The following RXFP1 variants were observed in gnomAD, a reference collection of about 807,000 sequenced individuals.
The protein encoded by RXFP1 is relaxin receptor 1.
In RXFP1, 73 loss-of-function variants were observed where a neutral mutation model predicts 89.8. The observed-to-expected ratio is 0.81, with a 90% CI of 0.67 to 0.99. RXFP1 has a LOEUF of 0.99. RXFP1 is among the 50% of genes least tolerant of loss of function. The pLI is 0.00. For missense variants in RXFP1, 793 were observed against 895.5 expected (o/e 0.89, Z 1.46); for synonymous variants, 277 against 305.5 (o/e 0.91, Z 0.97).
At chr4:158,541,354 A>G (rs1746579637) in intron 1 of RXFP1, among the ~76,000 whole-genome samples, 1 of 150,568 alleles carries the variant, frequency 6.6e-6, no homozygotes, top group African/African-American at 2.5e-5. Flanking sequence ...CTTCATGCAC[A>G]CACACACACA....
chr4:158,643,189 C>A (rs1048833141), intron 14 of RXFP1, among the ~76,000 whole-genome samples: 3 of 152,142 alleles, frequency 2.0e-5, no homozygotes. Context: ...ATTGGCACAG[C>A]TGCCAGCATT....
At chr4:158,629,444 CT>C (rs897162548) in intron 11 of RXFP1, among the ~76,000 whole-genome samples, 2 of 152,032 alleles carry the variant, frequency 1.3e-5, no homozygotes, top group South Asian at 2.1e-4. Context: ...TATAATGCCC[CT>C]TTTTAATGCC....
intron 4 of RXFP1, among the ~76,000 whole-genome samples, chr4:158,604,422 T>C (rs1217686466): frequency 2.0e-5 from 3 of 152,174 alleles, no homozygotes; most frequent in African/African-American, 4.8e-5. Context: ...TTATTTTGCT[T>C]TTACTACATT....
intron 2 of RXFP1, among the ~76,000 whole-genome samples, chr4:158,573,426 G>T (rs1755562240): frequency 6.6e-6 from 1 of 152,124 alleles, no homozygotes; most frequent in African/African-American, 2.4e-5. Context: ...GGCTGCATGC[G>T]GCCCGGGATG....
At chr4:158,628,580 T>G in intron 10 of RXFP1, 58 bp from the exon 11 acceptor site, 1 of 784,562 alleles carries the variant, frequency 1.3e-6, no homozygotes, top group Non-Finnish European at 2.2e-6. Flanking sequence ...TTCCTCTCTT[T>G]AGTAATTCTT....
chr4:158,534,210 C>T (rs1041550569), intron 1 of RXFP1, among the ~76,000 whole-genome samples: 30 of 151,350 alleles, frequency 2.0e-4, no homozygotes, highest in African/African-American at 7.0e-4. Context: ...TACTTAGATA[C>T]ACAAAGTGTT....
chr4:158,571,685 T>C (rs963257672), intron 1 of RXFP1, among the ~76,000 whole-genome samples: 3 of 151,700 alleles, frequency 2.0e-5, no homozygotes, highest in South Asian at 2.1e-4. Flanking sequence ...GAAAAAAAAA[T>C]AAGAAATGGT....
At chr4:158,575,349 T>C (rs1350748459) in intron 2 of RXFP1, among the ~76,000 whole-genome samples, 3 of 152,170 alleles carry the variant, frequency 2.0e-5, no homozygotes, top group Non-Finnish European at 4.4e-5. Flanking sequence ...TTTTCTTTTC[T>C]ATAAAACAGG....
chr4:158,597,978 G>A (rs1363681129), intron 3 of RXFP1, among the ~76,000 whole-genome samples: 1 of 152,158 alleles, frequency 6.6e-6, no homozygotes, highest in African/African-American at 2.4e-5. Flanking sequence ...TCTAGGTTAT[G>A]GTCCTGATCT....
intron 2 of RXFP1, among the ~76,000 whole-genome samples, chr4:158,587,470 A>C (rs1220208544): frequency 1.3e-5 from 2 of 152,178 alleles, no homozygotes; most frequent in Non-Finnish European, 2.9e-5. Context: ...ATTTAAATAA[A>C]CTTTTTTATA....
chr4:158,603,905 A>G (rs1435603448), intron 4 of RXFP1, among the ~76,000 whole-genome samples: 3 of 146,018 alleles, frequency 2.1e-5, no homozygotes, highest in African/African-American at 7.7e-5. Context: ...TAATAATAAT[A>G]ATAATAATAA....
chr4:158,610,664 T>C (rs1430830343), intron 6 of RXFP1: 1 of 1,289,146 alleles, frequency 7.8e-7, no homozygotes, highest in East Asian at 5.6e-5. Flanking sequence ...CTCTGAAAAA[T>C]GAAGAGGACT....
chr4:158,564,524 C>G (rs1332750379), intron 1 of RXFP1, among the ~76,000 whole-genome samples: 1 of 152,170 alleles, frequency 6.6e-6, no homozygotes, highest in African/African-American at 2.4e-5. Flanking sequence ...CAGAGAGACT[C>G]CATGACAACT....
At chr4:158,644,196 G>A (rs1407887140) in intron 14 of RXFP1, among the ~76,000 whole-genome samples, 3 of 151,660 alleles carry the variant, frequency 2.0e-5, no homozygotes, top group African/African-American at 7.3e-5. Context: ...ACAGGAGCCC[G>A]CCACCACGCC....
At chr4:158,606,522 T>C (rs1485018616) in intron 5 of RXFP1, among the ~76,000 whole-genome samples, 1 of 152,166 alleles carries the variant, frequency 6.6e-6, no homozygotes, top group East Asian at 1.9e-4. Context: ...AAATGCATGA[T>C]AAATGAGAAC....
chr4:158,537,768 A>G (rs1745620850), intron 1 of RXFP1, among the ~76,000 whole-genome samples: 1 of 152,254 alleles, frequency 6.6e-6, no homozygotes, highest in Admixed American at 6.5e-5. Context: ...TGATATTTAA[A>G]TAACAAAAAG....
At chr4:158,579,481 G>C (rs1207618234) in intron 2 of RXFP1, among the ~76,000 whole-genome samples, 1 of 152,154 alleles carries the variant, frequency 6.6e-6, no homozygotes, top group African/African-American at 2.4e-5. Flanking sequence ...GGCGAGGATG[G>C]TCTCGATCTC....
intron 3 of RXFP1, among the ~76,000 whole-genome samples, chr4:158,597,557 A>T (rs1297839572): frequency 6.6e-6 from 1 of 152,188 alleles, no homozygotes; most frequent in Non-Finnish European, 1.5e-5. Context: ...ATCTTTTAAA[A>T]TATTCCATGT....
chr4:158,594,387 G>A (rs142701252), intron 3 of RXFP1, among the ~76,000 whole-genome samples: 2 of 152,132 alleles, frequency 1.3e-5, no homozygotes, highest in African/African-American at 4.8e-5. Flanking sequence ...TATTTTCTGG[G>A]GTGGCACTAT....
Sources: gnomAD v4.1 joint callset for allele counts (sites outside exome capture counted in the v4.1 genomes callset) on GRCh38, gnomAD v4.1.1 for gene constraint, MANE v1.5 for transcripts, NCBI Gene and HGNC (gene_info 2026-07-23, HGNC 2026-07-21) for gene names.